DSCAML1: variants seen among roughly 807,000 people sequenced by gnomAD.
The protein encoded by DSCAML1 is DS cell adhesion molecule like 1.
A neutral mutation model predicts 200.5 loss-of-function variants in DSCAML1; 38 were observed. The observed-to-expected ratio is 0.19, with a 90% confidence interval of 0.15 to 0.25. The LOEUF is 0.25. Ranked by LOEUF, DSCAML1 falls within the 10% of genes least tolerant of loss-of-function variation. The pLI is 1.00. For missense variants in DSCAML1, 2,223 were observed against 2,858.8 expected (o/e 0.78, Z 5.07); for synonymous variants, 1,215 against 1,165.0 (o/e 1.04, Z -0.87).
chr11:117,624,669 G>C (rs1243277621), intron 3 of DSCAML1, among the ~76,000 whole-genome samples: 6 of 152,112 alleles, frequency 3.9e-5, no homozygotes, highest in African/African-American at 1.4e-4. Flanking sequence ...GGCCCCAGGA[G>C]CACTCTTCTC....
chr11:117,606,793 G>A (rs2051575510), intron 3 of DSCAML1, among the ~76,000 whole-genome samples: 1 of 152,228 alleles, frequency 6.6e-6, no homozygotes. Flanking sequence ...ATCTTGAGGA[G>A]ACAAATTTGG....
intron 3 of DSCAML1, among the ~76,000 whole-genome samples, chr11:117,744,252 C>A (rs1161486102): frequency 6.6e-6 from 1 of 152,230 alleles, no homozygotes; most frequent in Non-Finnish European, 1.5e-5. Context: ...CATCAAGTGG[C>A]TGAGCCAGGA....
rs147535514 is a variant in DSCAML1 at position 117,600,342 on chromosome 11, C to T, written c.512-67820G>A. ...GCCAAGTGGTAACATCTTGCAGGCA[C>T]GTGACCGCCTCTCCCGGCTGAGCTG... On this transcript the variant is annotated intron_variant, in intron 3 of 32. Coordinates refer to ENST00000651296, the MANE Select transcript of DSCAML1 (RefSeq NM_020693.4). 6.4e-3 allele frequency among the ~76,000 whole-genome samples: 969 copies of T among 152,178 alleles called. 3 individuals carry two copies. Among genetic ancestry groups the T allele is most frequent in the Non-Finnish European group, 0.01 (701 of 68,004 alleles).
intron 1 of DSCAML1, among the ~76,000 whole-genome samples, chr11:117,811,323 A>C (rs954121354): frequency 6.6e-6 from 1 of 152,094 alleles, no homozygotes; most frequent in African/African-American, 2.4e-5. Context: ...TTATTACCCA[A>C]TCTGCTCCCG....
rs993884484 is a variant in DSCAML1, at chr11:117,516,415, G to A, written c.1783+52C>T. The A allele has an allele frequency of 1.3e-5, 20 of 1,573,506 alleles. 1 individual carries two copies. The East Asian group carries it at 1.3e-4, about 11-fold the overall frequency. On this transcript the variant is annotated intron_variant, in intron 8 of 32. Coordinates refer to ENST00000651296, the MANE Select transcript of DSCAML1 (RefSeq NM_020693.4). The surrounding 1 kb of genome is among the most constrained non-coding windows in gnomAD (Gnocchi z 5.7). ...GAGTCCCAGCTGGGGAAAGGCCCAC[G>A]CATCCTGGGTGGTCAGGCGGGCAGG...
chr11:117,570,380 C>G (rs912726390), intron 3 of DSCAML1, among the ~76,000 whole-genome samples: 1 of 152,190 alleles, frequency 6.6e-6, no homozygotes, highest in Non-Finnish European at 1.5e-5. Flanking sequence ...ATTAACACAT[C>G]AGTCCCCCTC....
At chr11:117,438,216 A>G in intron 24 of DSCAML1, 133 bp from the exon 25 acceptor site, 1 of 833,352 alleles carries the variant, frequency 1.2e-6, no homozygotes, top group South Asian at 1.9e-5. Context: ...TGGAACGGGC[A>G]TATGCTCCTT....
At position 117,797,069 on chromosome 11, in the gene DSCAML1, A is replaced by G; in HGVS notation, c.11T>C (p.Val4Ala). 1.3e-6 allele frequency: 2 copies of G among 1,577,964 alleles called. No individual in the cohort carries two copies. The highest frequency in any genetic ancestry group is 1.7e-6 in the Non-Finnish European group (2 of 1,163,206). The change falls in exon 1 of 33, where the codon GTA becomes GCA. Residue 4 changes from valine to alanine, a missense_variant. Val to Ala is a moderately conservative substitution (Grantham distance 64). Coordinates refer to ENST00000651296, the MANE Select transcript of DSCAML1 (RefSeq NM_020693.4). ...AGAGTCCAGGAGCAGGAGGAAAGTT[A>G]CCAGCCACATGCCATAAAGAGGCCC... The part of the protein sequence containing the change: MWL[V>A]TFLLLLDSLH...
chr11:117,606,714 C>T (rs1051647883), intron 3 of DSCAML1, among the ~76,000 whole-genome samples: 1 of 152,190 alleles, frequency 6.6e-6, no homozygotes, highest in African/African-American at 2.4e-5. Context: ...CTCTCTTGGG[C>T]AGGAGATTTC....
At chr11:117,767,228 C>T (rs538084887) in intron 3 of DSCAML1, among the ~76,000 whole-genome samples, 23 of 152,246 alleles carry the variant, frequency 1.5e-4, no homozygotes, top group Admixed American at 9.8e-4. Flanking sequence ...CAGATTCTGC[C>T]TCGTCATTTC....
chr11:117,564,701 CCTTT>C (rs1431510664), intron 3 of DSCAML1, among the ~76,000 whole-genome samples: 284 of 151,300 alleles, frequency 1.9e-3, no homozygotes, highest in African/African-American at 6.6e-3. Flanking sequence ...ATCCTTCCTT[CCTTT>C]CTTCCTTCTT....
intron 3 of DSCAML1, among the ~76,000 whole-genome samples, chr11:117,656,112 C>A (rs569397719): frequency 1.3e-5 from 2 of 152,340 alleles, no homozygotes; most frequent in African/African-American, 2.4e-5. Context: ...GTGGCGTACG[C>A]CTGTAATCTC....
chr11:117,647,814 A>T lies in DSCAML1; in HGVS notation c.512-115292T>A, dbSNP rs190345617. The stretch of plus-strand genomic sequence containing the variant: ...TCAGGAAAGAGAAGGATGGGGAGCA[A>T]GGAGACTTGTCCCCAGGGAACCCTT... On this transcript the variant is annotated intron_variant, in intron 3 of 32. Coordinates refer to ENST00000651296, the MANE Select transcript of DSCAML1 (RefSeq NM_020693.4). 5.3e-5 allele frequency among the ~76,000 whole-genome samples: 8 copies of T among 152,316 alleles called. No individual in the cohort carries two copies. The East Asian group carries it at 7.7e-4, about 15-fold the overall frequency.
chr11:117,667,272 C>T (rs370977564), intron 3 of DSCAML1, among the ~76,000 whole-genome samples: 14 of 152,188 alleles, frequency 9.2e-5, no homozygotes, highest in South Asian at 6.2e-4. Flanking sequence ...ATCAGCTGGG[C>T]GTGGTGGTGC....
In DSCAML1 at chr11:117,435,673, CTCT is replaced by C. The variant is rs1350410972; in HGVS notation, c.4844_4846del (p.Lys1615del). On this transcript the variant is annotated inframe_deletion, in exon 27 of 33. Transcript: ENST00000651296. Reference sequence around the variant, plus strand: ...GAGTCGCTTCAGCCGTTTCTCCTTCCTCTTCTTGCGTACGATGAAGAGCAGTGC... The same window carrying C: ...GAGTCGCTTCAGCCGTTTCTCCTTCCTCTTGCGTACGATGAAGAGCAGTGC... 6.2e-7 allele frequency: 1 copy of C among 1,606,640 alleles called. No individual in the cohort carries two copies.
chr11:117,580,090 T>A (rs1280031004), intron 3 of DSCAML1, among the ~76,000 whole-genome samples: 4 of 152,234 alleles, frequency 2.6e-5, no homozygotes, highest in Admixed American at 6.5e-5. Flanking sequence ...TGTGCTGAGC[T>A]CCTTAAGTGT....
rs538685070 is a variant in DSCAML1, at chr11:117,589,832, G to A, written c.512-57310C>T. ...GTTTGACATCAATGAGGTGCGGTAG[G>A]CAAGGTGGACAGGCATAGATAGCCC... On this transcript the variant is annotated intron_variant, in intron 3 of 32. Coordinates refer to ENST00000651296, the MANE Select transcript of DSCAML1 (RefSeq NM_020693.4). Among the ~76,000 whole-genome samples the A allele has an allele frequency of 3.9e-5, 6 of 152,320 alleles. No individual in the cohort carries two copies. The South Asian group carries it at 1.2e-3, about 32-fold the overall frequency.
In DSCAML1 at chr11:117,489,316, C is replaced by T. The variant is rs551777065; in HGVS notation, c.2360-7154G>A. On this transcript the variant is annotated intron_variant, in intron 11 of 32. Transcript: ENST00000651296. This position sits in a 1 kb window ranked among gnomAD's most constrained non-coding sequence, Gnocchi z 4.8. Reference sequence around the variant, plus strand: ...GGTATATGCACAGGGCTGGGTCCTGCGTGACAAATGCTAATGACAGCCACA... The same window carrying T: ...GGTATATGCACAGGGCTGGGTCCTGTGTGACAAATGCTAATGACAGCCACA... 2.6e-4 allele frequency among the ~76,000 whole-genome samples: 40 copies of T among 152,284 alleles called. No individual in the cohort carries two copies. The highest frequency in any genetic ancestry group is 9.4e-4 in the African/African-American group (39 of 41,554).
intron 4 of DSCAML1, among the ~76,000 whole-genome samples, chr11:117,532,167 A>T (rs1368192630): frequency 1.3e-5 from 2 of 151,690 alleles, no homozygotes; most frequent in Non-Finnish European, 2.9e-5. Flanking sequence ...AAAGAGGGTG[A>T]GTCTCGTAGC....
Sources: allele counts gnomAD v4.1 joint callset (sites outside exome capture counted in the v4.1 genomes callset), GRCh38; gene constraint gnomAD v4.1.1; non-coding constraint Gnocchi (gnomAD v3.1); transcripts MANE v1.5; gene names NCBI Gene and HGNC (gene_info 2026-07-23, HGNC 2026-07-21).